TAFA4: variants seen among roughly 807,000 people sequenced by gnomAD.
TAFA4 encodes chemokine-like protein TAFA-4.
In TAFA4, 20 loss-of-function variants were observed where a neutral mutation model predicts 21.1. That is an observed-to-expected ratio of 0.95 (90% CI 0.67 to 1.38). TAFA4 has a LOEUF of 1.38. Ranked by LOEUF, TAFA4 falls within the 40% of genes most tolerant of loss-of-function variation. TAFA4 has a pLI of 0.00. For missense variants in TAFA4, 211 were observed against 180.9 expected, an observed-to-expected ratio of 1.17 and a Z score of -0.95; for synonymous variants, 71 against 67.4, an observed-to-expected ratio of 1.05 and a Z score of -0.26.
intron 1 of TAFA4, among the ~76,000 whole-genome samples, chr3:68,925,701 C>T (rs553973607): frequency 5.5e-4 from 84 of 152,212 alleles, no homozygotes; most frequent in African/African-American, 1.9e-3. Context: ...TAACATATAG[C>T]CATGAAAAAG....
intron 1 of TAFA4, among the ~76,000 whole-genome samples, chr3:68,915,073 C>A (rs1182084302): frequency 6.6e-6 from 1 of 152,014 alleles, no homozygotes; most frequent in East Asian, 1.9e-4. Flanking sequence ...TTTGTCAATC[C>A]CTGCTGCTCA....
At chr3:68,901,478 C>A (rs1317517190) in intron 1 of TAFA4, among the ~76,000 whole-genome samples, 1 of 152,106 alleles carries the variant, frequency 6.6e-6, no homozygotes, top group Non-Finnish European at 1.5e-5. Flanking sequence ...TATACCCAAG[C>A]CTTCTGAGAC....
intron 3 of TAFA4, among the ~76,000 whole-genome samples, chr3:68,781,110 A>T (rs1190353408): frequency 7.2e-5 from 11 of 152,100 alleles, no homozygotes; most frequent in Admixed American, 6.5e-4. Context: ...ATAAAAATAG[A>T]ACATATCAAA....
chr3:68,776,754 C>T (rs1703056658), intron 3 of TAFA4, among the ~76,000 whole-genome samples: 1 of 152,136 alleles, frequency 6.6e-6, no homozygotes, highest in South Asian at 2.1e-4. Context: ...TATTGTGGAA[C>T]ATACCGTAAG....
intron 1 of TAFA4, among the ~76,000 whole-genome samples, chr3:68,916,782 C>A (rs1321949289): frequency 6.6e-6 from 1 of 152,148 alleles, no homozygotes; most frequent in African/African-American, 2.4e-5. Flanking sequence ...CACTTCATAG[C>A]CCAAAATAGC....
intron 3 of TAFA4, among the ~76,000 whole-genome samples, chr3:68,775,315 G>A (rs985295708): frequency 6.6e-6 from 1 of 152,116 alleles, no homozygotes. Context: ...TTAGACTGGG[G>A]ATAAGCTGTC....
chr3:68,841,791 G>A (rs1321519100), intron 3 of TAFA4, among the ~76,000 whole-genome samples: 1 of 151,866 alleles, frequency 6.6e-6, no homozygotes, highest in African/African-American at 2.4e-5. Flanking sequence ...GTGAGAACAT[G>A]CAGTGTTTGG....
chr3:68,903,761 T>G (rs73093130), intron 1 of TAFA4, among the ~76,000 whole-genome samples: 131 of 152,274 alleles, frequency 8.6e-4, no homozygotes, highest in Non-Finnish European at 1.6e-3. Flanking sequence ...GTTTTATGTG[T>G]TTTTAAAACA....
At chr3:68,753,797 T>C (rs72922879) in intron 3 of TAFA4, among the ~76,000 whole-genome samples, 20,364 of 152,208 alleles carry the variant, frequency 0.13, 2,211 homozygotes, top group African/African-American at 0.3. Context: ...ATCTCAGTCC[T>C]ACAACCTCAA....
intron 3 of TAFA4, among the ~76,000 whole-genome samples, chr3:68,876,463 A>G (rs894589959): frequency 2.4e-4 from 37 of 152,212 alleles, no homozygotes; most frequent in Non-Finnish European, 4.4e-4. Context: ...AGCCTCAGAG[A>G]GACTCCTGTA....
At chr3:68,797,183 C>A (rs1212236141) in intron 3 of TAFA4, among the ~76,000 whole-genome samples, 1 of 152,118 alleles carries the variant, frequency 6.6e-6, no homozygotes, top group Non-Finnish European at 1.5e-5. Flanking sequence ...AGGACCTGAA[C>A]AGATATTTGT....
chr3:68,900,292 T>C (rs1038305195), intron 1 of TAFA4, among the ~76,000 whole-genome samples: 4 of 141,720 alleles, frequency 2.8e-5, no homozygotes, highest in African/African-American at 7.9e-5. Context: ...ACAATAATAA[T>C]AATAATAATA....
At chr3:68,881,827 G>A (rs2089622074) in intron 2 of TAFA4, among the ~76,000 whole-genome samples, 1 of 152,130 alleles carries the variant, frequency 6.6e-6, no homozygotes, top group Non-Finnish European at 1.5e-5. Flanking sequence ...AGACCCCTAA[G>A]GAAGTCCTAT....
At chr3:68,737,791 G>A (rs1259775348) in intron 5 of TAFA4, among the ~76,000 whole-genome samples, 1 of 152,082 alleles carries the variant, frequency 6.6e-6, no homozygotes, top group Non-Finnish European at 1.5e-5. Flanking sequence ...ATTCATAAAG[G>A]GGACGACATA....
intron 1 of TAFA4, among the ~76,000 whole-genome samples, chr3:68,914,035 A>T (rs2089982814): frequency 6.6e-6 from 1 of 152,218 alleles, no homozygotes. Flanking sequence ...AAAACAAGGA[A>T]GTGCAACAAA....
chr3:68,788,345 A>T (rs1244362454), intron 3 of TAFA4, among the ~76,000 whole-genome samples: 1 of 152,160 alleles, frequency 6.6e-6, no homozygotes, highest in Non-Finnish European at 1.5e-5. Flanking sequence ...CTTACCCCAG[A>T]TATCATCGGG....
At chr3:68,874,668 C>T (rs1431525706) in intron 3 of TAFA4, among the ~76,000 whole-genome samples, 1 of 152,050 alleles carries the variant, frequency 6.6e-6, no homozygotes, top group Non-Finnish European at 1.5e-5. Flanking sequence ...CCTGTTCTGC[C>T]CTAAAGACTC....
chr3:68,837,816 T>C (rs1704557605), intron 3 of TAFA4, among the ~76,000 whole-genome samples: 1 of 152,190 alleles, frequency 6.6e-6, no homozygotes, highest in Non-Finnish European at 1.5e-5. Flanking sequence ...AGCAATAGTT[T>C]ATATTAATGA....
intron 3 of TAFA4, among the ~76,000 whole-genome samples, chr3:68,873,365 C>T (rs1158195059): frequency 6.9e-6 from 1 of 145,316 alleles, no homozygotes; most frequent in Non-Finnish European, 1.5e-5. Flanking sequence ...CACACACACA[C>T]ACACACACAC....
Sources: gnomAD v4.1 joint callset for allele counts (sites outside exome capture counted in the v4.1 genomes callset) on GRCh38, gnomAD v4.1.1 for gene constraint, MANE v1.5 for transcripts, NCBI Gene and HGNC (gene_info 2026-07-23, HGNC 2026-07-21) for gene names.